Variants in ZNF577 observed in about 807,000 individuals in gnomAD.
ZNF577 encodes the protein zinc finger protein 577.
ZNF577 carries 14 observed loss-of-function variants against 13.9 expected under a neutral mutation model. The ratio of observed to expected loss-of-function variants is 1.00; its 90% CI spans 0.66 to 1.57. The LOEUF (loss-of-function observed/expected upper bound fraction) is 1.57. Among genes scored for constraint, ZNF577 ranks in the 40% most tolerant of loss-of-function variants. The pLI is 0.00. For synonymous variants in ZNF577, 203 were observed against 202.9 expected, an observed-to-expected ratio of 1.00 and a Z score of 0.00; for missense variants, 555 against 579.2, an observed-to-expected ratio of 0.96 and a Z score of 0.43.
chr19:51,823,956 G>A (rs1244959308), intron 9 of ZNF577: 2 of 1,613,928 alleles, frequency 1.2e-6, no homozygotes, highest in African/African-American at 2.7e-5. Flanking sequence ...CCTGGCCCTA[G>A]CTGACTTCTC....
At chr19:51,855,577 G>A (rs1384597185) in intron 5 of ZNF577, among the ~76,000 whole-genome samples, 1 of 152,068 alleles carries the variant, frequency 6.6e-6, no homozygotes, top group African/African-American at 2.4e-5. Flanking sequence ...GAATATGTCA[G>A]AGTATTTAAG....
Position 51,872,512 on chromosome 19 carries a change from C to A in ZNF577, c.*20G>T. The stretch of plus-strand genomic sequence containing the variant: ...AGGATTCCTACTAAAGATTTTCCCA[C>A]CTTTCTGGTATCAGAAGATTTATTC... On this transcript the variant is annotated 3_prime_UTR_variant, in exon 6 of 6. Transcript: ENST00000638348. 1 of 1,516,150 alleles carries A rather than the reference C, an allele frequency of 6.6e-7. No homozygotes were observed. Among genetic ancestry groups the A allele is most frequent in the Non-Finnish European group, 8.8e-7 (1 of 1,131,504 alleles). 93.9% of individuals were successfully genotyped at this position (1,516,150 alleles called of 1,614,324 possible).
chr19:51,844,865 T>C (rs890397766), exon 6 of ZNF577: 3 of 152,230 alleles, frequency 2.0e-5, no homozygotes, highest in African/African-American at 7.2e-5. Context: ...TCAACAAAGA[T>C]GAATTTCTGG....
rs1179148393 is a variant in ZNF577 at position 51,867,103 on chromosome 19, T to C, written c.*5429A>G. Among the ~76,000 whole-genome samples the C allele has an allele frequency of 6.6e-6, 1 of 152,250 alleles. No individual in the cohort carries two copies. Among genetic ancestry groups the C allele is most frequent in the Non-Finnish European group, 1.5e-5 (1 of 68,048 alleles). On this transcript the variant is annotated 3_prime_UTR_variant, in exon 6 of 6. Transcript: ENST00000638348. ...CTGTATTCACACTTAAGGCACTCTG[T>C]ATGAAGCTACATTTCCTCATTCCAC...
At chr19:51,834,198 C>T (rs1270353122) in intron 9 of ZNF577, among the ~76,000 whole-genome samples, 5 of 152,138 alleles carry the variant, frequency 3.3e-5, no homozygotes, top group African/African-American at 1.2e-4. Context: ...TCAAGTGATC[C>T]TCCACCTCAG....
At chr19:51,831,953 C>T (rs1385843582) in intron 9 of ZNF577, among the ~76,000 whole-genome samples, 1 of 152,162 alleles carries the variant, frequency 6.6e-6, no homozygotes, top group African/African-American at 2.4e-5. Flanking sequence ...TTAAACATAA[C>T]CTCCTCAGAA....
rs1178083880 is a variant in ZNF577 at position 51,876,453 on chromosome 19, T to TA, written c.283+828dup. Reference sequence around the variant, plus strand: ...TTCTACCAGGAGAATCAGCAGAAGATAAAAAAAAAAAACAGAAGCTGGAAA... The same window carrying TA: ...TTCTACCAGGAGAATCAGCAGAAGATAAAAAAAAAAAAACAGAAGCTGGAAA... On this transcript the variant is annotated intron_variant, in intron 5 of 5. Coordinates refer to ENST00000638348, the MANE Select transcript of ZNF577 (RefSeq NM_001370449.1). Among the ~76,000 whole-genome samples the TA allele has an allele frequency of 4.1e-3, 552 of 136,010 alleles. 2 individuals carry two copies. Among genetic ancestry groups the TA allele is most frequent in the East Asian group, 0.013 (60 of 4,720 alleles). 89.2% of individuals were successfully genotyped at this position (136,010 alleles called of 152,430 possible). A position where few individuals can be genotyped will look rare whatever the true frequency, so the allele number is the denominator to read the frequency against.
At chr19:51,878,168 G>A (rs924209995) in intron 4 of ZNF577, 6 of 304,906 alleles carry the variant, frequency 2.0e-5, no homozygotes, top group Admixed American at 4.4e-5. Flanking sequence ...AAGACAGAAG[G>A]TAGTGTTGGT....
At chr19:51,820,375 A>G (rs1421850973) in intron 9 of ZNF577, among the ~76,000 whole-genome samples, 1 of 152,220 alleles carries the variant, frequency 6.6e-6, no homozygotes. Flanking sequence ...TCCCAGAGCA[A>G]GGATGTTGTA....
intron 5 of ZNF577, among the ~76,000 whole-genome samples, chr19:51,845,450 T>C (rs553829048): frequency 4.0e-5 from 6 of 151,842 alleles, no homozygotes; most frequent in African/African-American, 4.8e-5. Context: ...GATTGCACCA[T>C]TGCACTCCAA....
At position 51,870,323 on chromosome 19, in the gene ZNF577, T is replaced by C. The variant is rs751728285; in HGVS notation, c.*2209A>G. On this transcript the variant is annotated 3_prime_UTR_variant, in exon 6 of 6. Coordinates refer to ENST00000638348, the MANE Select transcript of ZNF577 (RefSeq NM_001370449.1). ...ATGCCAGACATGGTCAATTACTGAC[T>C]GGTAGATTGCTTTCTATTTCTTTAT... 2.0e-5 allele frequency among the ~76,000 whole-genome samples: 3 copies of C among 152,346 alleles called. No homozygotes were observed. The highest frequency in any genetic ancestry group is 3.9e-4 in the East Asian group (2 of 5,178).
intron 9 of ZNF577, among the ~76,000 whole-genome samples, chr19:51,818,500 A>T (rs1202986532): frequency 1.3e-5 from 2 of 152,242 alleles, no homozygotes; most frequent in African/African-American, 4.8e-5. Flanking sequence ...ATAGAAAATA[A>T]ATGAACAAAC....
In ZNF577 at chr19:51,885,201, T is replaced by G. The variant is rs565092715; in HGVS notation, c.-219+1620A>C. On this transcript the variant is annotated intron_variant, in intron 1 of 5. Transcript: ENST00000638348. ...GCTGAATGTTTTTGTAAATAATGTT[T>G]TATCAGAACACAGCCACACCCATTT... Among the ~76,000 whole-genome samples the G allele has an allele frequency of 2.6e-5, 4 of 152,338 alleles. No homozygotes were observed. The East Asian group carries it at 7.7e-4, about 29-fold the overall frequency.
intron 9 of ZNF577, among the ~76,000 whole-genome samples, chr19:51,836,846 C>T (rs746283206): frequency 2.4e-4 from 36 of 151,904 alleles, no homozygotes; most frequent in South Asian, 4.1e-4. Context: ...GAGTTCAAGA[C>T]CAGCATAGGC....
At chr19:51,865,077 A>G (rs1420386567), downstream of ZNF577, among the ~76,000 whole-genome samples, 1 of 152,196 alleles carries the variant, frequency 6.6e-6, no homozygotes, top group Admixed American at 6.5e-5. Flanking sequence ...TCTGCATGCA[A>G]CAGTCAATGA....
At chr19:51,850,635 G>A (rs1439916203) in intron 5 of ZNF577, among the ~76,000 whole-genome samples, 1 of 152,148 alleles carries the variant, frequency 6.6e-6, no homozygotes, top group Non-Finnish European at 1.5e-5. Context: ...TTAAACCTGA[G>A]GGTAGTGTTT....
rs992639520 is a variant in ZNF577 at position 51,869,563 on chromosome 19, T to C, written c.*2969A>G. On this transcript the variant is annotated 3_prime_UTR_variant, in exon 6 of 6. Coordinates refer to ENST00000638348, the MANE Select transcript of ZNF577 (RefSeq NM_001370449.1). ...GACCAGTGCCGGTGCGGGTCCTCCA[T>C]ATGCTGAGCACCGGTCCCCTGGGGC... is the stretch of plus-strand genomic sequence containing the variant. 2.0e-5 allele frequency among the ~76,000 whole-genome samples: 3 copies of C among 152,122 alleles called. No homozygotes were observed. Among genetic ancestry groups the C allele is most frequent in the African/African-American group, 4.8e-5 (2 of 41,408 alleles).
At chr19:51,863,629 G>C (rs2084528220), downstream of ZNF577, among the ~76,000 whole-genome samples, 1 of 152,126 alleles carries the variant, frequency 6.6e-6, no homozygotes, top group Non-Finnish European at 1.5e-5. Flanking sequence ...TTTGCAAAAA[G>C]AATGTGCAAG....
chr19:51,836,268 TATA>T (rs1414968195), intron 9 of ZNF577, among the ~76,000 whole-genome samples: 1 of 152,218 alleles, frequency 6.6e-6, no homozygotes, highest in Non-Finnish European at 1.5e-5. Flanking sequence ...ATCTGACTAG[TATA>T]ATAAGGTTTT....
Sources: allele counts gnomAD v4.1 joint callset (sites outside exome capture counted in the v4.1 genomes callset), GRCh38; gene constraint gnomAD v4.1.1; transcripts MANE v1.5; gene names NCBI Gene and HGNC (gene_info 2026-07-23, HGNC 2026-07-21).